The following GYG1 variants were observed in gnomAD, a reference collection of about 807,000 sequenced individuals.
The protein encoded by GYG1 is glycogenin-1.
GYG1 carries 44 observed loss-of-function variants against 41.9 expected under a neutral mutation model. The observed-to-expected ratio is 1.05, with a 90% CI of 0.83 to 1.35. The LOEUF (loss-of-function observed/expected upper bound fraction) is 1.35. GYG1 is among the 40% of genes most tolerant of loss of function. The pLI is 0.00. For synonymous variants in GYG1, 141 were observed against 158.1 expected, an observed-to-expected ratio of 0.89 and a Z score of 0.81; for missense variants, 429 against 418.9, an observed-to-expected ratio of 1.02 and a Z score of -0.21.
Position 149,027,381 on chromosome 3 carries a change from G to C in GYG1, c.*448G>C, listed in dbSNP as rs1472158732. 5.3e-6 allele frequency: 1 copy of C among 188,736 alleles called. No individual in the cohort carries two copies. The highest frequency in any genetic ancestry group is 1.1e-5 in the Non-Finnish European group (1 of 89,116). The allele number at this position is 188,736 out of a possible 1,614,324, so 11.7% of individuals were successfully genotyped here. On this transcript the variant is annotated 3_prime_UTR_variant, in exon 8 of 8. Transcript: ENST00000345003. ...CCCAGTGCTGCCAGAGTGAGTGAGTGTAATTCTCCTTTCAGGTAAAGATAG... is the reference window on the plus strand; with the variant it reads ...CCCAGTGCTGCCAGAGTGAGTGAGTCTAATTCTCCTTTCAGGTAAAGATAG...
chr3:149,028,734 G>T lies in GYG1; in HGVS notation c.*1801G>T, dbSNP rs1311010217. On this transcript the variant is annotated 3_prime_UTR_variant, in exon 8 of 8. Coordinates refer to ENST00000345003, the MANE Select transcript of GYG1 (RefSeq NM_004130.4). ...TTTTTTTTTTTTTTTTTTTTCTTGA[G>T]GCAGAGTCTTGCTCTGTCAGTCAGT... is the stretch of plus-strand genomic sequence containing the variant. Among the ~76,000 whole-genome samples, 2 of 141,118 alleles carry T rather than the reference G, an allele frequency of 1.4e-5. No individual in the cohort carries two copies. Among genetic ancestry groups the T allele is most frequent in the African/African-American group, 2.7e-5 (1 of 37,184 alleles). The allele number at this position is 141,118 out of a possible 152,430, so 92.6% of individuals were successfully genotyped here.
At chr3:149,010,739 A>G (rs1319206985) in intron 5 of GYG1, among the ~76,000 whole-genome samples, 1 of 152,212 alleles carries the variant, frequency 6.6e-6, no homozygotes, top group Non-Finnish European at 1.5e-5. Context: ...TGTTTAACTA[A>G]GAAGATGATT....
chr3:148,996,907 A>G lies in GYG1; in HGVS notation c.481+3A>G. ...TTCTGAGCAAGGTAGTTTTGATGGT[A>G]TGTATTTGCTATCTTCATGTCTGAT... On this transcript the variant is annotated splice_donor_region_variant and intron_variant, in intron 4 of 7. Transcript: ENST00000345003. The G allele has an allele frequency of 6.2e-7, 1 of 1,607,338 alleles. No homozygotes were observed. Among genetic ancestry groups the G allele is most frequent in the Non-Finnish European group, 8.5e-7 (1 of 1,173,900 alleles).
chr3:149,015,927 G>A lies in GYG1; in HGVS notation c.608+6525G>A, dbSNP rs138175881. Reference sequence around the variant, plus strand: ...GTGATGTCCTTGGATAGGTGAAAGGGGATGGCACCTAGAACACAAGTGGAG... The same window carrying A: ...GTGATGTCCTTGGATAGGTGAAAGGAGATGGCACCTAGAACACAAGTGGAG... On this transcript the variant is annotated intron_variant, in intron 5 of 7. Transcript: ENST00000345003. Among the ~76,000 whole-genome samples the A allele has an allele frequency of 1.9e-4, 29 of 152,172 alleles. No homozygotes were observed. The East Asian group carries it at 4.2e-3, about 22-fold the overall frequency.
rs1303200421 is a variant in GYG1 at position 148,991,557 on chromosome 3, C to T, written c.-84C>T. ...CGCTCGGTTCCCCGCCGTGCCTCCT[C>T]GCTGGCCGCGCTCCCTCCCGGTGCC... On this transcript the variant is annotated 5_prime_UTR_variant, in exon 1 of 8. Coordinates refer to ENST00000345003, the MANE Select transcript of GYG1 (RefSeq NM_004130.4). 3.3e-6 allele frequency: 5 copies of T among 1,522,260 alleles called. No individual in the cohort carries two copies. In the East Asian group the frequency reaches 1.2e-4, roughly 38 times the overall value. The allele number at this position is 1,522,260 out of a possible 1,614,324, so 94.3% of individuals were successfully genotyped here. A position where few individuals can be genotyped will look rare whatever the true frequency, so the allele number is the denominator to read the frequency against.
At chr3:149,020,125 C>G (rs888665987) in intron 5 of GYG1, among the ~76,000 whole-genome samples, 6 of 151,820 alleles carry the variant, frequency 4.0e-5, no homozygotes, top group Admixed American at 2.6e-4. Flanking sequence ...TGTTGTTATT[C>G]CATTTTTTCC....
chr3:149,010,328 T>C (rs113626131), intron 5 of GYG1, among the ~76,000 whole-genome samples: 43 of 105,686 alleles, frequency 4.1e-4, no homozygotes, highest in African/African-American at 2.1e-3. Flanking sequence ...GGTGCAGTTC[T>C]TTTTTTTTTT....
At position 149,029,287 on chromosome 3, in the gene GYG1, A is replaced by G. The variant is rs1714827165; in HGVS notation, c.*2354A>G. Among the ~76,000 whole-genome samples, 1 of 152,232 alleles carries G rather than the reference A, an allele frequency of 6.6e-6. No homozygotes were observed. Among genetic ancestry groups the G allele is most frequent in the African/African-American group, 2.4e-5 (1 of 41,466 alleles). Reference sequence around the variant, plus strand: ...TTAGTAAAATGTATAAAAAGGCAACAGTAATTCAAATTACAAGATTTATAT... The same window carrying G: ...TTAGTAAAATGTATAAAAAGGCAACGGTAATTCAAATTACAAGATTTATAT... On this transcript the variant is annotated 3_prime_UTR_variant, in exon 8 of 8. Coordinates refer to ENST00000345003, the MANE Select transcript of GYG1 (RefSeq NM_004130.4).
At chr3:149,016,272 A>AG (rs1714029359) in intron 5 of GYG1, among the ~76,000 whole-genome samples, 1 of 148,302 alleles carries the variant, frequency 6.7e-6, no homozygotes, top group Non-Finnish European at 1.5e-5. Context: ...AAAAAAAAAA[A>AG]AAAACAAAAA....
At position 149,029,496 on chromosome 3, in the gene GYG1, T is replaced by C. The variant is rs562951766; in HGVS notation, c.*2563T>C. Among the ~76,000 whole-genome samples the C allele has an allele frequency of 6.6e-6, 1 of 152,348 alleles. No individual in the cohort carries two copies. The highest frequency in any genetic ancestry group is 2.4e-5 in the African/African-American group (1 of 41,576). On this transcript the variant is annotated 3_prime_UTR_variant, in exon 8 of 8. Transcript: ENST00000345003. The stretch of plus-strand genomic sequence containing the variant: ...TACCTTAATTCTCCTTATACCCATA[T>C]TGTCCTGCTGTATAACACATTTTGC...
At chr3:149,007,512 G>T (rs1437788744) in intron 4 of GYG1, among the ~76,000 whole-genome samples, 1 of 152,180 alleles carries the variant, frequency 6.6e-6, no homozygotes, top group African/African-American at 2.4e-5. Context: ...TTGATTGAAG[G>T]TATTTGGAAA....
chr3:149,011,275 C>G (rs1713706307), intron 5 of GYG1, among the ~76,000 whole-genome samples: 1 of 152,200 alleles, frequency 6.6e-6, no homozygotes, highest in Non-Finnish European at 1.5e-5. Flanking sequence ...CCATTTTAAT[C>G]CTTACTTATA....
intron 1 of GYG1, 112 bp from the exon 2 acceptor site, chr3:148,994,030 T>C (rs760522876): frequency 3.3e-6 from 3 of 900,820 alleles, no homozygotes; most frequent in East Asian, 5.2e-5. Context: ...ATAGAGAAAG[T>C]TGATGTTAGA....
Position 148,994,265 on chromosome 3 carries a change from C to T in GYG1, c.131C>T (p.Ser44Leu), listed in dbSNP as rs759727215. The T allele has an allele frequency of 1.2e-6, 2 of 1,614,084 alleles. No homozygotes were observed. The highest frequency in any genetic ancestry group is 2.2e-5 in the South Asian group (2 of 91,082). The change falls in exon 2 of 8, where the codon TCA becomes TTA. Residue 44 changes from serine (S) to leucine (L), a missense_variant. Ser to Leu is a moderately radical substitution (Grantham distance 145). Transcript: ENST00000345003. Reference sequence around the variant, plus strand: ...GTCGTGCTCGCCACCCCTCAGGTCTCAGACTCCATGAGGTGAGGACCTCGC... The same window carrying T: ...GTCGTGCTCGCCACCCCTCAGGTCTTAGACTCCATGAGGTGAGGACCTCGC... ...RLVVLATPQV[S>L]DSMRKVLETV... is the part of the protein sequence containing the mutation.
chr3:149,022,316 A>G (rs1714413102), intron 5 of GYG1, among the ~76,000 whole-genome samples: 1 of 152,068 alleles, frequency 6.6e-6, no homozygotes, highest in African/African-American at 2.4e-5. Flanking sequence ...ACATATTTTA[A>G]AATGTGCATT....
rs71617496 is a variant in GYG1 at position 149,028,705 on chromosome 3, A to ATTTT, written c.*1792_*1795dup. On this transcript the variant is annotated 3_prime_UTR_variant, in exon 8 of 8. Transcript: ENST00000345003. The stretch of plus-strand genomic sequence containing the variant: ...GGTGGAAAAGCTGACATAGTTTTAA[A>ATTTT]TTTTTTTTTTTTTTTTTTTTTTTCT... Among the ~76,000 whole-genome samples the ATTTT allele has an allele frequency of 1.3e-4, 17 of 133,732 alleles. No individual in the cohort carries two copies. Among genetic ancestry groups the ATTTT allele is most frequent in the East Asian group, 2.1e-4 (1 of 4,684 alleles). The allele number at this position is 133,732 out of a possible 152,430, so 87.7% of individuals were successfully genotyped here.
Position 149,027,220 on chromosome 3 carries a change from A to G in GYG1, c.*287A>G, listed in dbSNP as rs1714708127. ...CAAAGTAAGGGAAACTCAAGATATT[A>G]AGATGGCTGTATCAGTTCTTAAAAT... On this transcript the variant is annotated 3_prime_UTR_variant, in exon 8 of 8. Transcript: ENST00000345003. 4.4e-6 allele frequency: 2 copies of G among 458,872 alleles called. No homozygotes were observed. The highest frequency in any genetic ancestry group is 7.1e-5 in the Admixed American group (2 of 28,070). 28.4% of individuals were successfully genotyped at this position (458,872 alleles called of 1,614,324 possible). A position where few individuals can be genotyped will look rare whatever the true frequency, so the allele number is the denominator to read the frequency against.
intron 5 of GYG1, among the ~76,000 whole-genome samples, chr3:149,021,362 T>TG (rs2107918440): frequency 6.6e-6 from 1 of 152,322 alleles, no homozygotes; most frequent in South Asian, 2.1e-4. Context: ...GCAAGAGTGT[T>TG]GTGTGTGTTA....
intron 5 of GYG1, among the ~76,000 whole-genome samples, chr3:149,017,581 G>GTTTTT (rs1559842358): frequency 6.8e-5 from 5 of 73,444 alleles, no homozygotes; most frequent in African/African-American, 2.5e-4. Context: ...CTTTTATTTA[G>GTTTTT]GTTTTTTTTT....
Sources: allele counts gnomAD v4.1 joint callset (sites outside exome capture counted in the v4.1 genomes callset), GRCh38; gene constraint gnomAD v4.1.1; transcripts MANE v1.5; gene names NCBI Gene and HGNC (gene_info 2026-07-23, HGNC 2026-07-21).